Variants in FAM20A observed in about 807,000 individuals in gnomAD.
FAM20A encodes the protein pseudokinase FAM20A.
Under a neutral mutation model 52.0 loss-of-function variants are expected in FAM20A, and 42 were observed. That is an observed-to-expected ratio of 0.81 (90% confidence interval 0.63 to 1.04). The LOEUF is 1.04. FAM20A is among the 50% of genes least tolerant of loss of function. The pLI, the probability that FAM20A is intolerant of heterozygous loss-of-function variation, is 0.00. For missense variants in FAM20A, 742 were observed against 712.7 expected (o/e 1.04, Z -0.47); for synonymous variants, 304 against 298.9 (o/e 1.02, Z -0.18).
At chr17:68,543,533 A>G (rs2086406871) in intron 5 of FAM20A, 96 bp downstream of exon 5, 1 of 1,071,580 alleles carries the variant, frequency 9.3e-7, no homozygotes, top group Non-Finnish European at 1.4e-6. Flanking sequence ...GAAGGAAGAA[A>G]TGCCAGGGAG....
At chr17:68,555,460 A>G in intron 2 of FAM20A, 99 bp downstream of exon 2, 2 of 1,321,780 alleles carry the variant, frequency 1.5e-6, no homozygotes, top group Non-Finnish European at 2.2e-6. Flanking sequence ...TGTCCATGTC[A>G]AGCCTCTAAT....
Position 68,600,238 on chromosome 17 carries a change from C to G in FAM20A, c.404+25G>C, listed in dbSNP as rs118181220. On this transcript the variant is annotated intron_variant, in intron 1 of 10. Transcript: ENST00000592554. This position sits in a 1 kb window ranked among gnomAD's most constrained non-coding sequence, Gnocchi z 6.2. ...AGGCCCCGGCCAGAGCGCCCGCTCT[C>G]CCGCGTCCCGGGCGGGGTCCTCACC... 999 of 1,550,664 alleles carry G rather than the reference C, an allele frequency of 6.4e-4. 9 individuals carry two copies. The East Asian group carries it at 0.021, about 33-fold the overall frequency.
chr17:68,547,010 CT>C (rs559157360), intron 4 of FAM20A, among the ~76,000 whole-genome samples: 72 of 146,436 alleles, frequency 4.9e-4, no homozygotes, highest in South Asian at 8.7e-4. Flanking sequence ...TGAAAGGAAT[CT>C]TTTTTTTTTT....
intron 5 of FAM20A, among the ~76,000 whole-genome samples, chr17:68,543,333 C>T (rs776618120): frequency 6.6e-6 from 1 of 152,150 alleles, no homozygotes; most frequent in Non-Finnish European, 1.5e-5. Flanking sequence ...GGAGTGGGTG[C>T]ATTCTCCTCG....
At chr17:68,549,042 T>G (rs2086710460) in intron 4 of FAM20A, among the ~76,000 whole-genome samples, 2 of 152,164 alleles carry the variant, frequency 1.3e-5, no homozygotes, top group Non-Finnish European at 2.9e-5. Context: ...TGCCTGTATT[T>G]GTTTTAACTG....
chr17:68,550,346 T>C (rs1470621341), intron 4 of FAM20A, among the ~76,000 whole-genome samples: 1 of 149,574 alleles, frequency 6.7e-6, no homozygotes, highest in African/African-American at 2.4e-5. Flanking sequence ...TTTTGGATCT[T>C]TCACATAGGA....
In FAM20A at chr17:68,537,040, G is replaced by C. The variant is rs1199444669; in HGVS notation, c.*437C>G. 10 of 456,004 alleles carry C rather than the reference G, an allele frequency of 2.2e-5. No individual in the cohort carries two copies. The highest frequency in any genetic ancestry group is 1.6e-4 in the South Asian group (10 of 64,506). The allele number at this position is 456,004 out of a possible 1,614,324, so 28.2% of individuals were successfully genotyped here. A position where few individuals can be genotyped will look rare whatever the true frequency, so the allele number is the denominator to read the frequency against. On this transcript the variant is annotated 3_prime_UTR_variant, in exon 11 of 11. Coordinates refer to ENST00000592554, the MANE Select transcript of FAM20A (RefSeq NM_017565.4). This position sits in a 1 kb window ranked among gnomAD's most constrained non-coding sequence, Gnocchi z 4.2. ...GGCCCAAAGTGCAGATTTTTAGTCA[G>C]CTTGTGATAGGCCAGGTGTTTTGTC...
intron 1 of FAM20A, among the ~76,000 whole-genome samples, chr17:68,577,739 C>T (rs1197276615): frequency 6.6e-6 from 1 of 152,110 alleles, no homozygotes. Context: ...TAAAAGCCTT[C>T]CTCAGAGCCT....
chr17:68,571,489 T>C (rs2087533103), intron 1 of FAM20A, among the ~76,000 whole-genome samples: 1 of 152,308 alleles, frequency 6.6e-6, no homozygotes, highest in African/African-American at 2.4e-5. Flanking sequence ...ATGGAGTTCA[T>C]AAGGTTGGTC....
rs1191833110 is a variant in FAM20A, at chr17:68,566,485, A to G, written c.405-10742T>C. ...TGATGGTTTATAATCCAAGACAAAT[A>G]TGGTCTTTTTCAGAGTATTTCGCTC... is the stretch of plus-strand genomic sequence containing the variant. On this transcript the variant is annotated intron_variant, in intron 1 of 10. Transcript: ENST00000592554. Among the ~76,000 whole-genome samples the G allele has an allele frequency of 2.0e-5, 3 of 152,192 alleles. No individual in the cohort carries two copies. The East Asian group carries it at 5.8e-4, about 29-fold the overall frequency.
chr17:68,586,729 G>A (rs1426505167), intron 1 of FAM20A, among the ~76,000 whole-genome samples: 1 of 152,230 alleles, frequency 6.6e-6, no homozygotes, highest in African/African-American at 2.4e-5. Flanking sequence ...CTTTAGAACT[G>A]TAAATAATAC....
At chr17:68,568,071 T>C (rs2087429728) in intron 1 of FAM20A, among the ~76,000 whole-genome samples, 2 of 151,960 alleles carry the variant, frequency 1.3e-5, no homozygotes, top group Admixed American at 1.3e-4. Flanking sequence ...ACTCTTACTC[T>C]GGTCAGTCAT....
In FAM20A at chr17:68,543,546, C is replaced by G. The variant is rs950558323; in HGVS notation, c.812+83G>C. On this transcript the variant is annotated intron_variant, in intron 5 of 10. Transcript: ENST00000592554. ...CAGAAGGAAGAAATGCCAGGGAGTT[C>G]CCACCTTGAGGGTCTGTCTAGCCAC... 6.6e-6 allele frequency: 8 copies of G among 1,219,068 alleles called. No homozygotes were observed. In the Admixed American group the frequency reaches 8.5e-5, roughly 13 times the overall value. 75.5% of individuals were successfully genotyped at this position (1,219,068 alleles called of 1,614,324 possible). A position where few individuals can be genotyped will look rare whatever the true frequency, so the allele number is the denominator to read the frequency against.
rs536775005 is a variant in FAM20A, at chr17:68,581,179, C to A, written c.404+19084G>T. Among the ~76,000 whole-genome samples the A allele has an allele frequency of 1.7e-4, 26 of 152,292 alleles. No homozygotes were observed. In the East Asian group the frequency reaches 4.8e-3, roughly 28 times the overall value. ...CTGGGAGTAATTCTGCCTCGATAATCTCTGGGCCCTGATGCAAAGGGGTGT... is the reference window on the plus strand; with the variant it reads ...CTGGGAGTAATTCTGCCTCGATAATATCTGGGCCCTGATGCAAAGGGGTGT... On this transcript the variant is annotated intron_variant, in intron 1 of 10. Transcript: ENST00000592554.
At chr17:68,587,049 C>G (rs556283400) in intron 1 of FAM20A, among the ~76,000 whole-genome samples, 66 of 152,298 alleles carry the variant, frequency 4.3e-4, no homozygotes, top group African/African-American at 1.5e-3. Context: ...CACTACCATG[C>G]CCAGCTATTT....
chr17:68,595,715 T>G (rs2088433794), intron 1 of FAM20A, among the ~76,000 whole-genome samples: 1 of 152,186 alleles, frequency 6.6e-6, no homozygotes, highest in South Asian at 2.1e-4. Context: ...ATGGCCACCA[T>G]CCATGAGTAA....
In FAM20A at chr17:68,535,780, A is replaced by G. The variant is rs760791726; in HGVS notation, c.*1697T>C. On this transcript the variant is annotated 3_prime_UTR_variant, in exon 11 of 11. Coordinates refer to ENST00000592554, the MANE Select transcript of FAM20A (RefSeq NM_017565.4). ...GCCTGTTTAGGCCCAAAGTGCTGGG[A>G]TTACAGGTGTGAGCCCATGCCCAGC... The G allele has an allele frequency of 2.2e-6, 1 of 453,302 alleles. No homozygotes were observed. The highest frequency in any genetic ancestry group is 1.6e-5 in the South Asian group (1 of 64,426). The allele number at this position is 453,302 out of a possible 1,614,324, so 28.1% of individuals were successfully genotyped here.
chr17:68,548,322 G>C (rs2086662395), intron 4 of FAM20A, among the ~76,000 whole-genome samples: 1 of 152,174 alleles, frequency 6.6e-6, no homozygotes, highest in South Asian at 2.1e-4. Context: ...CTGAGGTCGA[G>C]AGTTCGAGAC....
chr17:68,573,506 TTC>T (rs2087632610), intron 1 of FAM20A, among the ~76,000 whole-genome samples: 2 of 150,534 alleles, frequency 1.3e-5, no homozygotes, highest in South Asian at 2.1e-4. Flanking sequence ...TTCTCTCTCT[TTC>T]TCTTTTCCTT....
Sources: gnomAD v4.1 joint callset for allele counts (sites outside exome capture counted in the v4.1 genomes callset) on GRCh38, gnomAD v4.1.1 for gene constraint, Gnocchi (gnomAD v3.1) non-coding constraint, MANE v1.5 for transcripts, NCBI Gene and HGNC (gene_info 2026-07-23, HGNC 2026-07-21) for gene names.